SPECC1: variants seen among roughly 807,000 people sequenced by gnomAD.
The protein encoded by SPECC1 is sperm antigen with calponin homology and coiled-coil domains 1, also known as cytospin-B.
In SPECC1, 62 loss-of-function variants were observed where a neutral mutation model predicts 104.1. The observed-to-expected ratio is 0.60, with a 90% CI of 0.49 to 0.74. The LOEUF (loss-of-function observed/expected upper bound fraction) is 0.74, where lower values mean the gene tolerates loss of function less well. Ranked by LOEUF, SPECC1 falls within the 30% of genes least tolerant of loss-of-function variation. SPECC1 has a pLI of 0.00. For missense variants in SPECC1, 1,306 were observed against 1,310.5 expected (o/e 1.00, Z 0.05); for synonymous variants, 513 against 501.6 (o/e 1.02, Z -0.30).
intron 3 of SPECC1, among the ~76,000 whole-genome samples, chr17:20,162,775 C>T (rs550292041): frequency 3.3e-5 from 5 of 152,278 alleles, no homozygotes; most frequent in East Asian, 1.9e-4. Flanking sequence ...CGCCTGTAAT[C>T]GCAGCACTTT....
intron 1 of SPECC1, chr17:20,067,227 C>T (rs1466218167): frequency 6.6e-6 from 1 of 151,276 alleles, no homozygotes; most frequent in Non-Finnish European, 1.5e-5. Flanking sequence ...TCACTGAAAC[C>T]TCCGCCTCCC....
intron 1 of SPECC1, among the ~76,000 whole-genome samples, chr17:20,076,838 A>T (rs1413637447): frequency 6.6e-6 from 1 of 151,066 alleles, no homozygotes; most frequent in African/African-American, 2.5e-5. Flanking sequence ...TCATGGGGAA[A>T]AAAGAGTAAG....
At chr17:20,152,418 A>G (rs2032091149) in intron 3 of SPECC1, among the ~76,000 whole-genome samples, 1 of 152,238 alleles carries the variant, frequency 6.6e-6, no homozygotes. Flanking sequence ...TAACAGAGCA[A>G]GAATTTAAAA....
intron 7 of SPECC1, among the ~76,000 whole-genome samples, chr17:20,244,604 G>A (rs2039342576): frequency 1.3e-5 from 2 of 151,824 alleles, no homozygotes; most frequent in South Asian, 4.2e-4. Flanking sequence ...TATTTACAGA[G>A]CAACAGAAGA....
intron 3 of SPECC1, among the ~76,000 whole-genome samples, chr17:20,117,644 T>G (rs1343789802): frequency 1.4e-5 from 2 of 143,824 alleles, no homozygotes; most frequent in Admixed American, 7.0e-5. Flanking sequence ...AAATAAAAAT[T>G]AGCTGGGTGC....
At chr17:20,227,386 G>C (rs1167892880) in intron 4 of SPECC1, 27 bp from the exon 5 acceptor site, 9 of 1,598,834 alleles carry the variant, frequency 5.6e-6, no homozygotes, top group Non-Finnish European at 7.7e-6. Context: ...GTTGTTAACT[G>C]ACCAAGGAAC....
At chr17:20,088,898 G>T (rs2047287947) in intron 1 of SPECC1, among the ~76,000 whole-genome samples, 1 of 152,202 alleles carries the variant, frequency 6.6e-6, no homozygotes. Flanking sequence ...CAGGCTTGAG[G>T]AGCTCCCTTG....
chr17:20,243,431 C>A (rs1356103015), intron 7 of SPECC1, among the ~76,000 whole-genome samples: 1 of 152,128 alleles, frequency 6.6e-6, no homozygotes, highest in Non-Finnish European at 1.5e-5. Context: ...CTAAAATAGG[C>A]TGGTGTAAGG....
rs533753601 is a variant in SPECC1 at position 20,293,170 on chromosome 17, G to A, written c.2941-3791G>A. 2.4e-3 allele frequency among the ~76,000 whole-genome samples: 359 copies of A among 151,596 alleles called. 2 individuals carry two copies. The highest frequency in any genetic ancestry group is 5.8e-3 in the Admixed American group (89 of 15,246). On this transcript the variant is annotated intron_variant, in intron 12 of 14. Coordinates refer to ENST00000395527, the MANE Select transcript of SPECC1 (RefSeq NM_001243439.2). ...CAGGCTAGCTTGAAATAACCCTCAAGAAATCTAGATAAAAACCTAAATGAG... is the reference window on the plus strand; with the variant it reads ...CAGGCTAGCTTGAAATAACCCTCAAAAAATCTAGATAAAAACCTAAATGAG...
At chr17:20,061,002 G>A (rs975014386) in intron 1 of SPECC1, among the ~76,000 whole-genome samples, 2 of 152,184 alleles carry the variant, frequency 1.3e-5, no homozygotes, top group Non-Finnish European at 2.9e-5. Flanking sequence ...AATGAAACAG[G>A]ATATCAGTGA....
rs529339445 is a variant in SPECC1, at chr17:20,099,441, G to A, written c.147+2643G>A. ...GGCTTATGCCACTTTGGGAGGCTGA[G>A]GTGGATGGATCACCTGAGGTCAGGA... On this transcript the variant is annotated intron_variant, in intron 2 of 14. Transcript: ENST00000395527. 2.1e-4 allele frequency among the ~76,000 whole-genome samples: 31 copies of A among 149,962 alleles called. 2 individuals are homozygous for A. Among genetic ancestry groups the A allele is most frequent in the Non-Finnish European group, 1.5e-5 (1 of 67,700 alleles).
intron 12 of SPECC1, among the ~76,000 whole-genome samples, chr17:20,266,732 A>G (rs2040232127): frequency 6.6e-6 from 1 of 152,184 alleles, no homozygotes; most frequent in Non-Finnish European, 1.5e-5. Flanking sequence ...TGAAGGTTGT[A>G]TTGCCGTGGA....
chr17:20,169,653 C>T (rs1485319702), intron 3 of SPECC1, among the ~76,000 whole-genome samples: 1 of 151,870 alleles, frequency 6.6e-6, no homozygotes, highest in Non-Finnish European at 1.5e-5. Flanking sequence ...TTTTAACATT[C>T]TGTGATCTTA....
At chr17:20,133,714 T>C (rs1035435895) in intron 3 of SPECC1, among the ~76,000 whole-genome samples, 2 of 152,108 alleles carry the variant, frequency 1.3e-5, no homozygotes, top group Admixed American at 1.3e-4. Flanking sequence ...AAATGGAAAA[T>C]GGAACTTGGC....
intron 1 of SPECC1, among the ~76,000 whole-genome samples, chr17:20,034,059 T>A (rs371835083): frequency 6.6e-6 from 1 of 152,158 alleles, no homozygotes; most frequent in Non-Finnish European, 1.5e-5. Flanking sequence ...AAATTCTGGC[T>A]CCTTTAAATA....
intron 3 of SPECC1, among the ~76,000 whole-genome samples, chr17:20,173,112 T>C (rs1279629387): frequency 2.0e-5 from 3 of 152,256 alleles, no homozygotes; most frequent in African/African-American, 7.2e-5. Context: ...ACTATTTCTT[T>C]TCCCCTAATT....
At chr17:20,045,215 T>C (rs1360375159) in intron 1 of SPECC1, among the ~76,000 whole-genome samples, 1 of 152,210 alleles carries the variant, frequency 6.6e-6, no homozygotes, top group Admixed American at 6.5e-5. Flanking sequence ...CTGCTGCTGC[T>C]TGAGTTTGTT....
At chr17:20,305,868 T>C (rs879049978) in intron 13 of SPECC1, 155 bp from the exon 14 acceptor site, 18 of 586,542 alleles carry the variant, frequency 3.1e-5, no homozygotes, top group African/African-American at 2.3e-4. Context: ...ATTTTTTTTT[T>C]TCTTAAACTG....
chr17:20,048,379 C>T (rs147391426), intron 1 of SPECC1, among the ~76,000 whole-genome samples: 11,162 of 151,856 alleles, frequency 0.074, 550 homozygotes, highest in African/African-American at 0.14. Flanking sequence ...GTGATCTGTC[C>T]GCCTCGGCCT....
Sources: gnomAD v4.1 joint callset for allele counts (sites outside exome capture counted in the v4.1 genomes callset) on GRCh38, gnomAD v4.1.1 for gene constraint, MANE v1.5 for transcripts, NCBI Gene and HGNC (gene_info 2026-07-23, HGNC 2026-07-21) for gene names.